DRC11: variants seen among roughly 807,000 people sequenced by gnomAD.
DRC11 encodes dynein regulatory complex subunit 11, also known as IQ and AAA domain-containing protein 1.
chr2:236,466,460 G>T, the DRC11 span, among the ~76,000 whole-genome samples: 1 of 152,154 alleles, frequency 6.6e-6, no homozygotes, highest in Admixed American at 6.5e-5. Flanking sequence ...GAATACTGGA[G>T]GGTGGGTAAT....
At chr2:236,331,357 A>C in the DRC11 span, 1 of 1,603,384 alleles carries the variant, frequency 6.2e-7, no homozygotes, top group Non-Finnish European at 8.5e-7. The surrounding 1 kb of genome is among the most constrained non-coding windows in gnomAD (Gnocchi z 4.8). Flanking sequence ...GTGTTCATTT[A>C]CCTTAAAGCT....
the DRC11 span, among the ~76,000 whole-genome samples, chr2:236,436,491 T>C: frequency 8.2e-3 from 1,246 of 152,290 alleles, 18 homozygotes; most frequent in African/African-American, 0.028. Context: ...AATATTTAAT[T>C]CATCTGAAAT....
the DRC11 span, among the ~76,000 whole-genome samples, chr2:236,467,743 AC>A: frequency 6.6e-6 from 1 of 152,212 alleles, no homozygotes; most frequent in South Asian, 2.1e-4. Flanking sequence ...AACATTCAAG[AC>A]CCTGTTTAGA....
chr2:236,384,893 C>T, the DRC11 span, among the ~76,000 whole-genome samples: 1 of 151,808 alleles, frequency 6.6e-6, no homozygotes, highest in Admixed American at 6.6e-5. Context: ...AGCCAGTTTT[C>T]CCAGCACCAT....
At chr2:236,363,992 G>C in the DRC11 span, 1 of 1,609,110 alleles carries the variant, frequency 6.2e-7, no homozygotes, top group Non-Finnish European at 8.5e-7. This position sits in a 1 kb window ranked among gnomAD's most constrained non-coding sequence, Gnocchi z 5.6. Context: ...AAAAAAGGCA[G>C]AGGCAAAGGT....
chr2:236,395,367 G>A, the DRC11 span, among the ~76,000 whole-genome samples: 5 of 152,198 alleles, frequency 3.3e-5, no homozygotes, highest in Non-Finnish European at 5.9e-5. Context: ...GAGCCAGCCC[G>A]AGAGCCAAGG....
chr2:236,477,987 A>T, the DRC11 span, among the ~76,000 whole-genome samples: 1 of 147,942 alleles, frequency 6.8e-6, no homozygotes, highest in Admixed American at 6.7e-5. Context: ...CAAAAACTCA[A>T]CTTTTCGTTT....
the DRC11 span, chr2:236,331,827 G>A: frequency 5.9e-6 from 3 of 509,790 alleles, no homozygotes; most frequent in East Asian, 9.3e-5. This position sits in a 1 kb window ranked among gnomAD's most constrained non-coding sequence, Gnocchi z 4.8. Flanking sequence ...AGATCCACAA[G>A]TGCCCTGCAA....
the DRC11 span, among the ~76,000 whole-genome samples, chr2:236,342,144 A>AG: frequency 2.6e-5 from 4 of 152,112 alleles, no homozygotes; most frequent in Non-Finnish European, 5.9e-5. This position sits in a 1 kb window ranked among gnomAD's most constrained non-coding sequence, Gnocchi z 5.8. Context: ...TGGATTTTCA[A>AG]GGGGATTTCC....
chr2:236,457,976 C>T, the DRC11 span, among the ~76,000 whole-genome samples: 1 of 152,232 alleles, frequency 6.6e-6, no homozygotes, highest in Non-Finnish European at 1.5e-5. This position sits in a 1 kb window ranked among gnomAD's most constrained non-coding sequence, Gnocchi z 4.7. Context: ...GTATAAAGCA[C>T]TTCAAATTCC....
the DRC11 span, among the ~76,000 whole-genome samples, chr2:236,352,074 G>A: frequency 3.3e-5 from 5 of 152,190 alleles, no homozygotes; most frequent in African/African-American, 4.8e-5. The surrounding 1 kb of genome is among the most constrained non-coding windows in gnomAD (Gnocchi z 7.0). Flanking sequence ...CAGAGAGCCC[G>A]GGGCCACACA....
At chr2:236,445,830 G>A in the DRC11 span, among the ~76,000 whole-genome samples, 1 of 152,084 alleles carries the variant, frequency 6.6e-6, no homozygotes. This position sits in a 1 kb window ranked among gnomAD's most constrained non-coding sequence, Gnocchi z 4.8. Context: ...CACATACACA[G>A]ACACACCCAC....
At chr2:236,492,429 C>T in the DRC11 span, among the ~76,000 whole-genome samples, 12 of 152,166 alleles carry the variant, frequency 7.9e-5, no homozygotes, top group African/African-American at 2.4e-4. Context: ...ACTTTTTTCT[C>T]CTGCCATCCT....
the DRC11 span, among the ~76,000 whole-genome samples, chr2:236,428,482 A>C: frequency 6.6e-6 from 1 of 152,172 alleles, no homozygotes; most frequent in African/African-American, 2.4e-5. Flanking sequence ...TTATAATTAT[A>C]TAATGATCTT....
At chr2:236,422,918 C>T in the DRC11 span, among the ~76,000 whole-genome samples, 34 of 152,036 alleles carry the variant, frequency 2.2e-4, no homozygotes, top group Admixed American at 3.3e-4. Context: ...ACTATCTGAT[C>T]TTTGACAAAC....
chr2:236,331,837 A>G, the DRC11 span: 2 of 496,580 alleles, frequency 4.0e-6, no homozygotes, highest in Admixed American at 3.4e-5. The surrounding 1 kb of genome is among the most constrained non-coding windows in gnomAD (Gnocchi z 4.8). Context: ...GTGCCCTGCA[A>G]ATTAACAAGG....
the DRC11 span, among the ~76,000 whole-genome samples, chr2:236,357,004 A>ATATTCATATATATCTATT: frequency 1.1e-5 from 1 of 95,032 alleles, no homozygotes; most frequent in Non-Finnish European, 2.3e-5. Flanking sequence ...ATATATTTAT[A>ATATTCATATATATCTATT]TATTCATATA....
the DRC11 span, among the ~76,000 whole-genome samples, chr2:236,326,804 G>C: frequency 1.6e-4 from 13 of 83,370 alleles, no homozygotes; most frequent in Non-Finnish European, 3.2e-4. Context: ...GTGTGTGTGT[G>C]TGTGTGTGTG....
At chr2:236,487,824 C>T in the DRC11 span, among the ~76,000 whole-genome samples, 1 of 152,304 alleles carries the variant, frequency 6.6e-6, no homozygotes, top group East Asian at 1.9e-4. Context: ...GAAAATATGA[C>T]CAAGCTTAGT....
Sources: allele counts gnomAD v4.1 joint callset (sites outside exome capture counted in the v4.1 genomes callset), GRCh38; gene constraint gnomAD v4.1.1; non-coding constraint Gnocchi (gnomAD v3.1); transcripts MANE v1.5; gene names NCBI Gene and HGNC (gene_info 2026-07-23, HGNC 2026-07-21).